Variants in KMT2C observed in about 807,000 individuals in gnomAD.
The protein encoded by KMT2C is histone-lysine N-methyltransferase 2C.
A neutral mutation model predicts 507.9 loss-of-function variants in KMT2C; 88 were observed. The ratio of observed to expected loss-of-function variants is 0.17; its 90% CI spans 0.15 to 0.21. The LOEUF is 0.21. KMT2C is among the 10% of genes least tolerant of loss of function. KMT2C has a pLI of 1.00. For synonymous variants in KMT2C, 2,049 were observed against 2,080.8 expected (o/e 0.98, Z 0.42); for missense variants, 4,954 against 5,957.8 (o/e 0.83, Z 5.55).
chr7:152,182,382 A>C lies in KMT2C; in HGVS notation c.5478T>G (p.His1826Gln). Residue 1826 changes from histidine to glutamine, a missense_variant, in exon 36 of 59, where the codon CAT becomes CAG. Around this residue, in one of 29 missense-constraint regions of KMT2C, gnomAD observed 1,689 missense variants for 1,654.3 expected, o/e 1.02. Transcript: ENST00000262189. ...GTGGCTGTTTTGTAAACAGTTCTTT[A>C]TGGAATGACTGTGCAGGAGACATAT... ...NGNMSPAQSF[H>Q]KELFTKQPPS... 1 of 1,613,404 alleles carries C rather than the reference A, an allele frequency of 6.2e-7. No homozygotes were observed. Among genetic ancestry groups the C allele is most frequent in the South Asian group, 1.1e-5 (1 of 90,938 alleles).
intron 14 of KMT2C, among the ~76,000 whole-genome samples, chr7:152,241,499 G>GT (rs1256850632): frequency 3.9e-5 from 6 of 152,354 alleles, no homozygotes; most frequent in Non-Finnish European, 7.3e-5. Context: ...CATGTCTGGC[G>GT]TTTTCTAACC....
In KMT2C at chr7:152,145,237, A is replaced by G; in HGVS notation, c.14090T>C (p.Met4697Thr). The change falls in exon 54 of 59, where the codon ATG becomes ACG. Residue 4697 changes from methionine (M) to threonine (T), a missense_variant. Around this residue, in one of 29 missense-constraint regions of KMT2C, gnomAD observed 221 missense variants for 304.7 expected, o/e 0.73. Coordinates refer to ENST00000262189, the MANE Select transcript of KMT2C (RefSeq NM_170606.3). Reference protein sequence around the residue: ...YTFRYGRNPLMELPLAVNPTG... With the variant: ...YTFRYGRNPLTELPLAVNPTG... Reference sequence around the variant, plus strand: ...GGGGTTAACGGCAAGAGGAAGTTCCATGAGAGGATTTCGGCCGTATCGGAA... The same window carrying G: ...GGGGTTAACGGCAAGAGGAAGTTCCGTGAGAGGATTTCGGCCGTATCGGAA... 1 of 1,614,194 alleles carries G rather than the reference A, an allele frequency of 6.2e-7. No homozygotes were observed.
intron 9 of KMT2C, among the ~76,000 whole-genome samples, chr7:152,257,117 A>G (rs1399880582): frequency 1.3e-5 from 2 of 152,230 alleles, no homozygotes; most frequent in Non-Finnish European, 2.9e-5. Context: ...ACCAAAGCAC[A>G]GGCCATTGGT....
At chr7:152,166,123 ATTTT>A (rs1190668716) in intron 42 of KMT2C, among the ~76,000 whole-genome samples, 1 of 135,924 alleles carries the variant, frequency 7.4e-6, no homozygotes, top group Non-Finnish European at 1.6e-5. Context: ...GAGCACTCAC[ATTTT>A]TTTTTTTTTT....
At chr7:152,373,733 T>C (rs2097307900) in intron 1 of KMT2C, among the ~76,000 whole-genome samples, 1 of 152,160 alleles carries the variant, frequency 6.6e-6, no homozygotes, top group South Asian at 2.1e-4. Context: ...AACTTTTCTA[T>C]ACAGCATACA....
chr7:152,377,006 G>A (rs953136764), intron 1 of KMT2C, among the ~76,000 whole-genome samples: 26 of 150,286 alleles, frequency 1.7e-4, no homozygotes, highest in Non-Finnish European at 3.5e-4. Flanking sequence ...GCAACAAGGC[G>A]AGACTCTTGT....
chr7:152,298,309 A>G (rs939440352), intron 6 of KMT2C, among the ~76,000 whole-genome samples: 2 of 152,120 alleles, frequency 1.3e-5, no homozygotes, highest in Non-Finnish European at 2.9e-5. Context: ...AAACTCAGCA[A>G]ACCCCAAGCA....
chr7:152,200,093 C>T (rs1234242881), intron 26 of KMT2C, among the ~76,000 whole-genome samples: 1 of 152,184 alleles, frequency 6.6e-6, no homozygotes, highest in Non-Finnish European at 1.5e-5. Context: ...AAGCACAGTT[C>T]CACCCCTTTA....
intron 24 of KMT2C, among the ~76,000 whole-genome samples, chr7:152,206,392 A>G (rs553659436): frequency 3.3e-5 from 5 of 152,318 alleles, no homozygotes; most frequent in African/African-American, 1.2e-4. Context: ...TCATTTTCAT[A>G]AAACAATTCA....
intron 1 of KMT2C, among the ~76,000 whole-genome samples, chr7:152,393,433 T>TA (rs957428079): frequency 1.3e-5 from 2 of 152,134 alleles, no homozygotes; most frequent in Admixed American, 6.6e-5. Flanking sequence ...ATGATCGACT[T>TA]AACAGAAAAA....
In KMT2C at chr7:152,250,848, C is replaced by T; in HGVS notation, c.1735+5G>A. The T allele has an allele frequency of 6.9e-7, 1 of 1,458,512 alleles. No individual in the cohort carries two copies. The highest frequency in any genetic ancestry group is 9.6e-7 in the Non-Finnish European group (1 of 1,039,552). The allele number at this position is 1,458,512 out of a possible 1,614,324, so 90.3% of individuals were successfully genotyped here. On this transcript the variant is annotated splice_donor_5th_base_variant and intron_variant, in intron 12 of 58. Transcript: ENST00000262189. ...AAACAGAGTATATCCATTAAACATTCTTACCATCTGGAACAATTCCAGGAG... is the reference window on the plus strand; with the variant it reads ...AAACAGAGTATATCCATTAAACATTTTTACCATCTGGAACAATTCCAGGAG...
intron 8 of KMT2C, 47 bp downstream of exon 8, chr7:152,264,991 T>G (rs757968138): frequency 6.2e-7 from 1 of 1,608,506 alleles, no homozygotes; most frequent in Admixed American, 1.7e-5. Flanking sequence ...AGTAATAGGG[T>G]CCCTCTTAAA....
rs758450594 is a variant in KMT2C at position 152,181,530 on chromosome 7, G to A, written c.6330C>T (p.Ala2110=). 1.9e-6 allele frequency: 3 copies of A among 1,613,974 alleles called. No homozygotes were observed. Among genetic ancestry groups the A allele is most frequent in the Non-Finnish European group, 2.5e-6 (3 of 1,179,958 alleles). ...TPHPAVNESF[A]HPSRAFSQPG... is the part of the protein sequence containing the mutation. ...GCTGGGAAAAAGCCCTTGAAGGATG[G>A]GCAAAAGATTCATTCACTGCTGGAT... Residue 2110 remains alanine, a synonymous_variant, in exon 36 of 59, where the codon GCC becomes GCT. Coordinates refer to ENST00000262189, the MANE Select transcript of KMT2C (RefSeq NM_170606.3).
chr7:152,355,865 TA>T (rs2097147094), intron 2 of KMT2C, among the ~76,000 whole-genome samples: 1 of 152,126 alleles, frequency 6.6e-6, no homozygotes, highest in Non-Finnish European at 1.5e-5. Context: ...GTATAGTACC[TA>T]AAAGGGGATG....
At chr7:152,282,630 T>C (rs1588884670) in intron 6 of KMT2C, among the ~76,000 whole-genome samples, 4 of 152,016 alleles carry the variant, frequency 2.6e-5, no homozygotes, top group African/African-American at 7.2e-5. Context: ...AGTACAAACA[T>C]AGGCAAGACT....
rs2129098891 is a variant in KMT2C at position 152,154,463 on chromosome 7, C to T, written c.11961-18G>A. 1 of 1,608,300 alleles carries T rather than the reference C, an allele frequency of 6.2e-7. No individual in the cohort carries two copies. Among genetic ancestry groups the T allele is most frequent in the Non-Finnish European group, 8.5e-7 (1 of 1,179,486 alleles). On this transcript the variant is annotated intron_variant, in intron 46 of 58. Coordinates refer to ENST00000262189, the MANE Select transcript of KMT2C (RefSeq NM_170606.3). ...CCTGTATCCTGAAAAAACATAAACA[C>T]ACACATCAAAGTCTGCAAATCCACC...
chr7:152,154,989 C>A (rs2091939089), intron 46 of KMT2C: 1 of 152,268 alleles, frequency 6.6e-6, no homozygotes, highest in Non-Finnish European at 1.5e-5. Context: ...CTTGATCGGC[C>A]CTTATTTTTC....
In KMT2C at chr7:152,171,441, G is replaced by C. The variant is rs914378366; in HGVS notation, c.9375-99C>G. 5 of 709,294 alleles carry C rather than the reference G, an allele frequency of 7.0e-6. No individual in the cohort carries two copies. In the African/African-American group the frequency reaches 7.3e-5, roughly 10 times the overall value. 43.9% of individuals were successfully genotyped at this position (709,294 alleles called of 1,614,324 possible). ...AGGTGCTTAACAGTTTTCTCTTCCA[G>C]AGAAGAACAGTGGCAATTTCTTCTT... On this transcript the variant is annotated intron_variant, in intron 39 of 58. Coordinates refer to ENST00000262189, the MANE Select transcript of KMT2C (RefSeq NM_170606.3).
At position 152,199,322 on chromosome 7, in the gene KMT2C, T is replaced by G. The variant is rs901964477; in HGVS notation, c.4230A>C (p.Pro1410=). The part of the protein sequence containing the change: ...NTGFLDPSLD[P]LLSSSSAPTK... Reference sequence around the variant, plus strand: ...TTGGAGCCGAGGATGAACTAAGTAGTGGATCTAAGGAAGGATCCAAGAAAC... The same window carrying G: ...TTGGAGCCGAGGATGAACTAAGTAGGGGATCTAAGGAAGGATCCAAGAAAC... The change falls in exon 27 of 59, where the codon CCA becomes CCC. Residue 1410 remains proline (P), a synonymous_variant. Coordinates refer to ENST00000262189, the MANE Select transcript of KMT2C (RefSeq NM_170606.3). 3.1e-6 allele frequency: 5 copies of G among 1,601,752 alleles called. No homozygotes were observed. In the Admixed American group the frequency reaches 5.2e-5, roughly 17 times the overall value.
Sources: allele counts gnomAD v4.1 joint callset (sites outside exome capture counted in the v4.1 genomes callset), GRCh38; gene constraint gnomAD v4.1.1; regional missense constraint gnomAD v4.1.1; transcripts MANE v1.5; gene names NCBI Gene and HGNC (gene_info 2026-07-23, HGNC 2026-07-21).